The following NAALADL2 variants were observed in gnomAD, a reference collection of about 807,000 sequenced individuals.
NAALADL2 encodes the protein inactive N-acetylated-alpha-linked acidic dipeptidase-like protein 2.
A neutral mutation model predicts 87.2 loss-of-function variants in NAALADL2; 76 were observed. That is an observed-to-expected ratio of 0.87 (90% confidence interval 0.72 to 1.05). The LOEUF is 1.05. Among genes scored for constraint, NAALADL2 ranks in the 50% least tolerant of loss-of-function variants. The probability of loss-of-function intolerance (pLI) is 0.00; values close to 1 mark genes in which losing one functional copy is unlikely to be tolerated. For synonymous variants in NAALADL2, 354 were observed against 331.0 expected, an observed-to-expected ratio of 1.07 and a Z score of -0.75; for missense variants, 1,089 against 945.8, an observed-to-expected ratio of 1.15 and a Z score of -1.99.
intron 2 of NAALADL2, among the ~76,000 whole-genome samples, chr3:175,116,033 C>T (rs1256624699): frequency 6.6e-6 from 1 of 151,764 alleles, no homozygotes; most frequent in Non-Finnish European, 1.5e-5. Context: ...CAAAATTCAA[C>T]AGCCTTCATG....
At chr3:174,751,399 A>T (rs1190347627) in intron 3 of NAALADL2, among the ~76,000 whole-genome samples, 1 of 152,168 alleles carries the variant, frequency 6.6e-6, no homozygotes, top group Non-Finnish European at 1.5e-5. Context: ...GCAGTTGCTC[A>T]CGTCTGTAAT....
In NAALADL2 at chr3:174,550,688, C is replaced by G. The variant is rs138959037; in HGVS notation, c.-115+51C>G. On this transcript the variant is annotated intron_variant, in intron 2 of 3. Coordinates refer to the NAALADL2 transcript ENST00000434257. ...TCCAGGATAAAGGCAGAGATTCAAC[C>G]AAGTCTTTAATTATAATTAGTTATA... The G allele has an allele frequency of 2.1e-3, 321 of 151,954 alleles. 3 individuals carry two copies. The highest frequency in any genetic ancestry group is 7.6e-3 in the African/African-American group (315 of 41,496). The allele number at this position is 151,954 out of a possible 1,614,324, so 9.4% of individuals were successfully genotyped here. A position where few individuals can be genotyped will look rare whatever the true frequency, so the allele number is the denominator to read the frequency against.
intron 10 of NAALADL2, among the ~76,000 whole-genome samples, chr3:175,586,815 A>G (rs1021695189): frequency 2.0e-5 from 3 of 152,226 alleles, no homozygotes; most frequent in Admixed American, 6.5e-5. Flanking sequence ...ACCATAATAC[A>G]TATAAGAATT....
intron 5 of NAALADL2, among the ~76,000 whole-genome samples, chr3:175,362,781 T>C (rs1369584264): frequency 6.7e-6 from 1 of 148,168 alleles, no homozygotes; most frequent in Middle Eastern, 3.2e-3. Context: ...GTGGTTGTAC[T>C]AGTTTGCATT....
chr3:174,706,512 A>T (rs1457896119), intron 2 of NAALADL2, among the ~76,000 whole-genome samples: 1 of 152,194 alleles, frequency 6.6e-6, no homozygotes, highest in African/African-American at 2.4e-5. Flanking sequence ...AAAGTAAAAA[A>T]GCTCACTTAG....
intron 2 of NAALADL2, among the ~76,000 whole-genome samples, chr3:174,655,182 A>G (rs183801551): frequency 3.0e-4 from 45 of 152,370 alleles, no homozygotes; most frequent in Admixed American, 7.8e-4. Flanking sequence ...AGTAACTAAC[A>G]AAGAGTAAAT....
chr3:175,464,213 T>G (rs567903345), intron 7 of NAALADL2, among the ~76,000 whole-genome samples: 1 of 152,230 alleles, frequency 6.6e-6, no homozygotes, highest in Admixed American at 6.5e-5. Context: ...CCAGTTTTAT[T>G]CTATGTCCCA....
Position 175,004,846 on chromosome 3 carries a change from G to C in NAALADL2, c.44-91944G>C, listed in dbSNP as rs927199037. 6.0e-5 allele frequency among the ~76,000 whole-genome samples: 9 copies of C among 151,064 alleles called. No individual in the cohort carries two copies. In the East Asian group the frequency reaches 1.4e-3, roughly 23 times the overall value. ...GACTTGGATCCCATCTATCTCTATT[G>C]TGTATATGCAAATATTCCAAAATCA... On this transcript the variant is annotated intron_variant, in intron 1 of 13. Transcript: ENST00000454872.
intron 5 of NAALADL2, among the ~76,000 whole-genome samples, chr3:175,387,246 G>C (rs1448261969): frequency 6.6e-6 from 1 of 152,086 alleles, no homozygotes; most frequent in African/African-American, 2.4e-5. Context: ...GCATCCACTA[G>C]GGGCCTTGGA....
chr3:175,673,034 G>C (rs888924471), intron 11 of NAALADL2, among the ~76,000 whole-genome samples: 2 of 152,070 alleles, frequency 1.3e-5, no homozygotes, highest in Non-Finnish European at 2.9e-5. Context: ...TATTAGAATA[G>C]ATGTAATCTT....
chr3:175,172,910 C>G (rs1735064679), intron 2 of NAALADL2, among the ~76,000 whole-genome samples: 1 of 152,060 alleles, frequency 6.6e-6, no homozygotes. Flanking sequence ...AATGTGCTGT[C>G]CATTAGGAGT....
chr3:175,580,302 G>C (rs1444602993), intron 10 of NAALADL2, among the ~76,000 whole-genome samples: 1 of 151,968 alleles, frequency 6.6e-6, no homozygotes, highest in Non-Finnish European at 1.5e-5. Context: ...AGTAATAAAA[G>C]TAGTTCATTT....
intron 9 of NAALADL2, among the ~76,000 whole-genome samples, chr3:175,556,954 T>C (rs1715373096): frequency 6.6e-6 from 1 of 152,200 alleles, no homozygotes. Flanking sequence ...TGACAAAGCC[T>C]AGAAATGGGA....
Position 175,732,033 on chromosome 3 carries a change from T to C in NAALADL2, c.1897-5273T>C, listed in dbSNP as rs1022130466. On this transcript the variant is annotated intron_variant, in intron 11 of 13. Coordinates refer to ENST00000454872, the MANE Select transcript of NAALADL2 (RefSeq NM_207015.3). ...TTTGGTGTTTCTTGTATGATTTGGATGAAGTGAGGTGGAATTGAAGGATAA... is the reference window on the plus strand; with the variant it reads ...TTTGGTGTTTCTTGTATGATTTGGACGAAGTGAGGTGGAATTGAAGGATAA... 3.3e-5 allele frequency among the ~76,000 whole-genome samples: 5 copies of C among 152,332 alleles called. No homozygotes were observed. In the East Asian group the frequency reaches 9.6e-4, roughly 29 times the overall value.
rs575446551 is a variant in NAALADL2, at chr3:174,980,485, T to G, written c.44-116305T>G. Among the ~76,000 whole-genome samples the G allele has an allele frequency of 5.3e-5, 8 of 152,288 alleles. No individual in the cohort carries two copies. In the East Asian group the frequency reaches 1.5e-3, roughly 29 times the overall value. ...TGTGAATACCCATTGCACTGCATCC[T>G]GGGAAACATAGTGAGAATTGGCCTC... is the stretch of plus-strand genomic sequence containing the variant. On this transcript the variant is annotated intron_variant, in intron 1 of 13. Transcript: ENST00000454872.
chr3:174,836,793 G>C (rs1171727120), intron 3 of NAALADL2, among the ~76,000 whole-genome samples: 1 of 150,302 alleles, frequency 6.7e-6, no homozygotes, highest in Non-Finnish European at 1.5e-5. Flanking sequence ...ATTATTTAAA[G>C]GGCAAAATAA....
chr3:175,715,587 C>G (rs1030177960), intron 11 of NAALADL2, among the ~76,000 whole-genome samples: 7 of 151,952 alleles, frequency 4.6e-5, no homozygotes, highest in Non-Finnish European at 8.8e-5. Context: ...ATAAGATGGA[C>G]ACTCAAGGCT....
At chr3:174,772,569 C>A (rs1434408284) in intron 3 of NAALADL2, among the ~76,000 whole-genome samples, 2 of 152,134 alleles carry the variant, frequency 1.3e-5, no homozygotes, top group African/African-American at 4.8e-5. Context: ...CTGCAGGCCC[C>A]ATTCTGAGAA....
At chr3:175,759,770 G>T (rs151179327) in intron 13 of NAALADL2, among the ~76,000 whole-genome samples, 1 of 152,190 alleles carries the variant, frequency 6.6e-6, no homozygotes, top group Admixed American at 6.5e-5. Context: ...ACACAAAGGA[G>T]AAGTTGTGTG....
Sources: gnomAD v4.1 joint callset for allele counts (sites outside exome capture counted in the v4.1 genomes callset) on GRCh38, gnomAD v4.1.1 for gene constraint, MANE v1.5 for transcripts, NCBI Gene and HGNC (gene_info 2026-07-23, HGNC 2026-07-21) for gene names.